The following CIT variants were observed in gnomAD, a reference collection of about 807,000 sequenced individuals.
CIT encodes the protein citron Rho-interacting kinase.
CIT carries 79 observed loss-of-function variants against 272.7 expected under a neutral mutation model. The ratio of observed to expected loss-of-function variants is 0.29; its 90% CI spans 0.24 to 0.35. The LOEUF (loss-of-function observed/expected upper bound fraction) is 0.35, where lower values mean the gene tolerates loss of function less well. Among genes scored for constraint, CIT ranks in the 10% least tolerant of loss-of-function variants. The pLI, the probability that CIT is intolerant of heterozygous loss-of-function variation, is 1.00. For synonymous variants in CIT, 948 were observed against 995.6 expected (o/e 0.95, Z 0.90); for missense variants, 1,909 against 2,618.3 (o/e 0.73, Z 5.91).
rs780086249 is a variant in CIT at position 119,697,827 on chromosome 12, C to T, written c.5714G>A (p.Arg1905Gln). 10 of 1,614,010 alleles carry T rather than the reference C, an allele frequency of 6.2e-6. No individual in the cohort carries two copies. Among genetic ancestry groups the T allele is most frequent in the African/African-American group, 1.3e-5 (1 of 75,030 alleles). ...QARSSAGTPA[R>Q]AYLDIPNPRY... ...CGGGTTCGGGATGTCCAGGTACGCTCGGGCAGGGGTCCTGCAGAGTCCCAG... is the reference window on the plus strand; with the variant it reads ...CGGGTTCGGGATGTCCAGGTACGCTTGGGCAGGGGTCCTGCAGAGTCCCAG... Residue 1905 changes from arginine (R) to glutamine (Q), a missense_variant, in exon 46 of 48, where the codon CGA becomes CAA. Transcript: ENST00000392521. The surrounding 1 kb of genome is among the most constrained non-coding windows in gnomAD (Gnocchi z 4.9).
At chr12:119,723,529 T>A (rs901732348) in intron 28 of CIT, among the ~76,000 whole-genome samples, 2 of 151,710 alleles carry the variant, frequency 1.3e-5, no homozygotes, top group African/African-American at 4.9e-5. Context: ...GAAAGGGGGA[T>A]CTTAGCTGTG....
At chr12:119,717,838 C>CTTGTTTTTTTTTT (rs1957600385) in intron 32 of CIT, among the ~76,000 whole-genome samples, 1 of 81,332 alleles carries the variant, frequency 1.2e-5, no homozygotes, top group Non-Finnish European at 2.3e-5. Flanking sequence ...TGACTTCTTT[C>CTTGTTTTTTTTTT]TTTTTTTTTT....
intron 3 of CIT, among the ~76,000 whole-genome samples, chr12:119,864,848 G>GTTCCC (rs2138367536): frequency 6.6e-6 from 1 of 151,746 alleles, no homozygotes; most frequent in Admixed American, 6.6e-5. Context: ...CCAGATGCTC[G>GTTCCC]TTCCCTTCCC....
At chr12:119,755,347 C>A (rs996215411) in intron 22 of CIT, among the ~76,000 whole-genome samples, 32 of 152,216 alleles carry the variant, frequency 2.1e-4, no homozygotes, top group Non-Finnish European at 3.8e-4. Flanking sequence ...CACATTGTTA[C>A]TGTCCCTTGG....
chr12:119,781,239 C>T (rs915531422), intron 13 of CIT, among the ~76,000 whole-genome samples: 2 of 152,226 alleles, frequency 1.3e-5, no homozygotes, highest in African/African-American at 4.8e-5. Flanking sequence ...TGATCCTTTA[C>T]AGGGTTTCCG....
At chr12:119,742,490 A>AT (rs1565973313) in intron 23 of CIT, 26 bp from the exon 24 acceptor site, 1 of 1,578,792 alleles carries the variant, frequency 6.3e-7, no homozygotes, top group African/African-American at 1.4e-5. Flanking sequence ...TTGATTATAA[A>AT]TTTTTCATAG....
intron 5 of CIT, among the ~76,000 whole-genome samples, chr12:119,845,781 C>T (rs1384884697): frequency 1.3e-5 from 2 of 151,796 alleles, no homozygotes; most frequent in Non-Finnish European, 2.9e-5. Context: ...GAAACCCCAT[C>T]TCTACTGAAA....
chr12:119,825,423 A>G, intron 7 of CIT, 55 bp from the exon 8 acceptor site: 1 of 1,509,340 alleles, frequency 6.6e-7, no homozygotes. Flanking sequence ...CCTCAAGTAG[A>G]CTGCCAACAG....
At chr12:119,704,493 G>A (rs1956768454) in intron 40 of CIT, 38 bp from the exon 41 acceptor site, 1 of 1,576,608 alleles carries the variant, frequency 6.3e-7, no homozygotes, top group South Asian at 1.1e-5. Flanking sequence ...ACTGTCACCA[G>A]TGTGATACCG....
At chr12:119,834,723 T>A (rs1968877911) in intron 5 of CIT, among the ~76,000 whole-genome samples, 1 of 152,208 alleles carries the variant, frequency 6.6e-6, no homozygotes, top group Admixed American at 6.5e-5. Flanking sequence ...TGTGAAAATA[T>A]CCCCTTTGAC....
intron 2 of CIT, among the ~76,000 whole-genome samples, chr12:119,872,562 A>G (rs1435359772): frequency 6.6e-6 from 1 of 152,214 alleles, no homozygotes; most frequent in African/African-American, 2.4e-5. Context: ...CAGCATTAAA[A>G]AGAGATGAAC....
chr12:119,851,358 G>A (rs751215785), intron 4 of CIT, among the ~76,000 whole-genome samples: 1 of 152,202 alleles, frequency 6.6e-6, no homozygotes, highest in Non-Finnish European at 1.5e-5. Context: ...AAAGGGGTCT[G>A]GGAGTAGTGA....
chr12:119,718,535 G>T lies in CIT; in HGVS notation c.4004-126C>A. The stretch of plus-strand genomic sequence containing the variant: ...AAAGAATATGCGTCACATCAACTTG[G>T]CAATGCACAGGGGCCATACGTTTTT... On this transcript the variant is annotated intron_variant, in intron 31 of 47. Transcript: ENST00000392521. The surrounding 1 kb of genome is among the most constrained non-coding windows in gnomAD (Gnocchi z 4.8). The T allele has an allele frequency of 7.1e-7, 1 of 1,400,970 alleles. No homozygotes were observed. Among genetic ancestry groups the T allele is most frequent in the Non-Finnish European group, 9.8e-7 (1 of 1,022,972 alleles). 86.8% of individuals were successfully genotyped at this position (1,400,970 alleles called of 1,614,324 possible). A position where few individuals can be genotyped will look rare whatever the true frequency, so the allele number is the denominator to read the frequency against.
chr12:119,803,671 C>A (rs1218812223), intron 9 of CIT, among the ~76,000 whole-genome samples: 1 of 152,140 alleles, frequency 6.6e-6, no homozygotes, highest in African/African-American at 2.4e-5. Context: ...CTTGGGCCAA[C>A]GAAAGCACTT....
intron 3 of CIT, among the ~76,000 whole-genome samples, chr12:119,867,187 C>T (rs1216827000): frequency 6.6e-6 from 1 of 151,406 alleles, no homozygotes; most frequent in Non-Finnish European, 1.5e-5. Flanking sequence ...AGAGGTAATA[C>T]AATAACTTTT....
intron 7 of CIT, among the ~76,000 whole-genome samples, chr12:119,827,650 G>A (rs941170665): frequency 6.6e-6 from 1 of 152,056 alleles, no homozygotes; most frequent in African/African-American, 2.4e-5. Context: ...GTTTGGCCAG[G>A]ATGGTCTCGA....
chr12:119,687,829 G>GAA lies in CIT; in HGVS notation c.*401_*402dup. On this transcript the variant is annotated 3_prime_UTR_variant, in exon 48 of 48. Coordinates refer to ENST00000392521, the MANE Select transcript of CIT (RefSeq NM_001206999.2). The stretch of plus-strand genomic sequence containing the variant: ...AAAAAAAAAAGGAAAGAAACAAAGA[G>GAA]AAAAAAAAAAGAAAAACCAACCAAT... 1 of 161,904 alleles carries GAA rather than the reference G, an allele frequency of 6.2e-6. No homozygotes were observed. The highest frequency in any genetic ancestry group is 1.3e-5 in the Non-Finnish European group (1 of 79,132). The allele number at this position is 161,904 out of a possible 1,614,324, so 10.0% of individuals were successfully genotyped here.
intron 4 of CIT, among the ~76,000 whole-genome samples, chr12:119,856,545 ACACACACACC>A (rs995347937): frequency 2.6e-5 from 4 of 151,894 alleles, no homozygotes; most frequent in Non-Finnish European, 5.9e-5. Flanking sequence ...CACTGAACAC[ACACACACACC>A]CACACACACA....
chr12:119,777,042 G>A (rs879412336), intron 13 of CIT, among the ~76,000 whole-genome samples, 200 bp from the exon 14 acceptor site: 5 of 151,710 alleles, frequency 3.3e-5, no homozygotes, highest in Admixed American at 6.6e-5. Context: ...ATCACCTGAC[G>A]TCAGGAGTTC....
Sources: allele counts gnomAD v4.1 joint callset (sites outside exome capture counted in the v4.1 genomes callset), GRCh38; gene constraint gnomAD v4.1.1; non-coding constraint Gnocchi (gnomAD v3.1); transcripts MANE v1.5; gene names NCBI Gene and HGNC (gene_info 2026-07-23, HGNC 2026-07-21).